Variants in SMOC1 observed in about 807,000 individuals in gnomAD.
The protein encoded by SMOC1 is SPARC related modular calcium binding 1.
A neutral mutation model predicts 56.3 loss-of-function variants in SMOC1; 22 were observed. That is an observed-to-expected ratio of 0.39 (90% confidence interval 0.28 to 0.56). The LOEUF (loss-of-function observed/expected upper bound fraction) is 0.56, where lower values mean the gene tolerates loss of function less well. Among genes scored for constraint, SMOC1 ranks in the 20% least tolerant of loss-of-function variants. The pLI is 0.61. For missense variants in SMOC1, 509 were observed against 565.4 expected, an observed-to-expected ratio of 0.90 and a Z score of 1.01; for synonymous variants, 193 against 215.0, an observed-to-expected ratio of 0.90 and a Z score of 0.89.
intron 1 of SMOC1, among the ~76,000 whole-genome samples, chr14:69,939,339 C>A (rs1348919269): frequency 6.6e-6 from 1 of 152,158 alleles, no homozygotes; most frequent in East Asian, 1.9e-4. Context: ...ACCATCATAT[C>A]TTGTGAGATT....
chr14:69,885,664 G>C (rs938353648), intron 1 of SMOC1: 1 of 1,447,780 alleles, frequency 6.9e-7, no homozygotes, highest in Admixed American at 1.7e-5. Flanking sequence ...GATCCATGTC[G>C]TGTGAAATCA....
intron 1 of SMOC1, among the ~76,000 whole-genome samples, chr14:69,938,824 G>T (rs772549914): frequency 6.6e-6 from 1 of 152,202 alleles, no homozygotes; most frequent in Non-Finnish European, 1.5e-5. Flanking sequence ...GACTTCCAGT[G>T]CTATTGTTTT....
At chr14:70,003,452 G>C (rs1885041534) in intron 7 of SMOC1, among the ~76,000 whole-genome samples, 1 of 152,104 alleles carries the variant, frequency 6.6e-6, no homozygotes. Context: ...CAGCCTCTGT[G>C]GTCTCATCCC....
At position 69,964,334 on chromosome 14, in the gene SMOC1, A is replaced by G. The variant is rs377185887; in HGVS notation, c.378+10802A>G. On this transcript the variant is annotated intron_variant, in intron 3 of 11. Coordinates refer to ENST00000361956, the MANE Select transcript of SMOC1 (RefSeq NM_001034852.3). ...CTGGCTTTCCTGCTGTCTGTGGGAG[A>G]GGAGAGGCTCAGTAATGGGAGGCTT... Among the ~76,000 whole-genome samples, 4 of 149,766 alleles carry G rather than the reference A, an allele frequency of 2.7e-5. 2 individuals are homozygous for G.
At chr14:70,023,563 C>A in intron 11 of SMOC1, 116 bp downstream of exon 11, 1 of 1,445,620 alleles carries the variant, frequency 6.9e-7, no homozygotes, top group Non-Finnish European at 9.7e-7. Context: ...CAATTATTTG[C>A]TGGAAGTGTG....
intron 1 of SMOC1, among the ~76,000 whole-genome samples, chr14:69,903,561 A>G (rs908518147): frequency 6.6e-6 from 1 of 152,226 alleles, no homozygotes; most frequent in Non-Finnish European, 1.5e-5. Context: ...TGTACTAAGA[A>G]AAATTCCTCT....
At chr14:69,977,765 TG>T (rs1884021015) in intron 4 of SMOC1, among the ~76,000 whole-genome samples, 152 bp from the exon 5 acceptor site, 1 of 152,222 alleles carries the variant, frequency 6.6e-6, no homozygotes, top group Admixed American at 6.5e-5. Flanking sequence ...CATGTGTATA[TG>T]TACTAACATT....
chr14:69,892,041 C>T (rs1297855073), intron 1 of SMOC1, among the ~76,000 whole-genome samples: 3 of 152,094 alleles, frequency 2.0e-5, no homozygotes, highest in Non-Finnish European at 4.4e-5. Context: ...ATCTGTTTTT[C>T]TGTCAAGTCT....
At chr14:69,994,203 C>T (rs1327067112) in intron 6 of SMOC1, 197 bp from the exon 7 acceptor site, 10 of 666,694 alleles carry the variant, frequency 1.5e-5, no homozygotes, top group East Asian at 7.9e-5. Flanking sequence ...ATGCCCTGAT[C>T]GGCTCTTATG....
intron 1 of SMOC1, chr14:69,885,502 G>A (rs769688079): frequency 4.4e-5 from 70 of 1,599,454 alleles, no homozygotes; most frequent in Non-Finnish European, 5.6e-5. Context: ...TAGCCAAAGC[G>A]CCTTTGTCTT....
intron 10 of SMOC1, among the ~76,000 whole-genome samples, chr14:70,018,920 G>A (rs1295617253): frequency 6.6e-6 from 1 of 152,226 alleles, no homozygotes; most frequent in Non-Finnish European, 1.5e-5. Flanking sequence ...ACTCCAGACG[G>A]GGCTCAGTTG....
intron 3 of SMOC1, among the ~76,000 whole-genome samples, chr14:69,961,045 G>A (rs1018824633): frequency 3.3e-5 from 5 of 151,722 alleles, no homozygotes; most frequent in South Asian, 2.1e-4. Flanking sequence ...AATCTTGTAC[G>A]CATTAGCATT....
At chr14:69,928,048 G>T (rs1390389016) in intron 1 of SMOC1, among the ~76,000 whole-genome samples, 1 of 152,192 alleles carries the variant, frequency 6.6e-6, no homozygotes, top group East Asian at 1.9e-4. Flanking sequence ...TGCGATTCCT[G>T]CCAAAGAGAA....
chr14:69,937,991 T>G (rs1417418163), intron 1 of SMOC1, among the ~76,000 whole-genome samples: 1 of 152,214 alleles, frequency 6.6e-6, no homozygotes, highest in African/African-American at 2.4e-5. Flanking sequence ...CAGGGCTTAG[T>G]GCTGTAAGGG....
At chr14:69,920,885 G>T (rs1884821298) in intron 1 of SMOC1, among the ~76,000 whole-genome samples, 1 of 152,174 alleles carries the variant, frequency 6.6e-6, no homozygotes, top group Non-Finnish European at 1.5e-5. Flanking sequence ...GAAAGGCCTG[G>T]TGGCTGGAGG....
intron 11 of SMOC1, among the ~76,000 whole-genome samples, chr14:70,026,613 C>T (rs1387153387): frequency 6.6e-6 from 1 of 152,198 alleles, no homozygotes; most frequent in East Asian, 1.9e-4. Context: ...ACAGAGGCCC[C>T]TAGGGTGCTT....
intron 3 of SMOC1, among the ~76,000 whole-genome samples, chr14:69,956,476 C>G (rs1883191116): frequency 7.1e-6 from 1 of 141,674 alleles, no homozygotes; most frequent in East Asian, 2.1e-4. Flanking sequence ...TCTCCTAAGA[C>G]CAAAACCCAG....
chr14:69,940,150 C>A (rs1340990380), intron 1 of SMOC1, among the ~76,000 whole-genome samples: 3 of 152,198 alleles, frequency 2.0e-5, no homozygotes, highest in Non-Finnish European at 4.4e-5. Context: ...CTTGTCTTTC[C>A]AACCAGAGGG....
intron 3 of SMOC1, among the ~76,000 whole-genome samples, chr14:69,970,952 G>A (rs1333140592): frequency 6.6e-6 from 1 of 152,184 alleles, no homozygotes; most frequent in Non-Finnish European, 1.5e-5. Flanking sequence ...ATATTAAAGT[G>A]TATGAGGCAG....
Sources: allele counts gnomAD v4.1 joint callset (sites outside exome capture counted in the v4.1 genomes callset), GRCh38; gene constraint gnomAD v4.1.1; transcripts MANE v1.5; gene names NCBI Gene and HGNC (gene_info 2026-07-23, HGNC 2026-07-21).